CCDC73: variants seen among roughly 807,000 people sequenced by gnomAD.
CCDC73 encodes the protein coiled-coil domain containing 73.
A neutral mutation model predicts 116.5 loss-of-function variants in CCDC73; 95 were observed. The ratio of observed to expected loss-of-function variants is 0.82; its 90% CI spans 0.69 to 0.97. The LOEUF is 0.97. Among genes scored for constraint, CCDC73 ranks in the 50% least tolerant of loss-of-function variants. CCDC73 has a pLI of 0.00. For synonymous variants in CCDC73, 398 were observed against 401.3 expected, an observed-to-expected ratio of 0.99 and a Z score of 0.10; for missense variants, 1,066 against 1,206.8, an observed-to-expected ratio of 0.88 and a Z score of 1.73.
At chr11:32,627,834 C>T (rs1855590728) in intron 14 of CCDC73, among the ~76,000 whole-genome samples, 1 of 151,732 alleles carries the variant, frequency 6.6e-6, no homozygotes, top group South Asian at 2.1e-4. Flanking sequence ...GTGAGGGGAG[C>T]GGGGAGGGAT....
At chr11:32,810,962 C>T in the CCDC73 span, among the ~76,000 whole-genome samples, 3 of 151,948 alleles carry the variant, frequency 2.0e-5, no homozygotes, top group Admixed American at 6.6e-5. Context: ...GAAACCCCAT[C>T]TCTACTAAGA....
At chr11:32,608,934 G>A (rs1010291316) in intron 17 of CCDC73, among the ~76,000 whole-genome samples, 3 of 152,100 alleles carry the variant, frequency 2.0e-5, no homozygotes, top group Admixed American at 6.6e-5. Flanking sequence ...CATGGCTGGA[G>A]TGGCTGGGAT....
chr11:32,645,294 T>TTTTTC (rs1565065221), intron 12 of CCDC73, among the ~76,000 whole-genome samples: 5 of 139,966 alleles, frequency 3.6e-5, no homozygotes, highest in African/African-American at 1.3e-4. Context: ...TCTTTTTCTT[T>TTTTTC]TTTTTTTTTT....
Position 32,602,735 on chromosome 11 carries a change from A to ACAGT in CCDC73, c.*72_*75dup. ...GACAAACTGTAGAGCTTTAAATACA[A>ACAGT]CAGTCATTTTATTCTAGTAAAAACT... On this transcript the variant is annotated 3_prime_UTR_variant, in exon 18 of 18. Coordinates refer to ENST00000335185, the MANE Select transcript of CCDC73 (RefSeq NM_001008391.4). 2.7e-6 allele frequency: 3 copies of ACAGT among 1,129,668 alleles called. No homozygotes were observed. In the South Asian group the frequency reaches 5.0e-5, roughly 19 times the overall value. The allele number at this position is 1,129,668 out of a possible 1,614,324, so 70.0% of individuals were successfully genotyped here. A position where few individuals can be genotyped will look rare whatever the true frequency, so the allele number is the denominator to read the frequency against.
chr11:32,701,655 T>C (rs1018308624), intron 4 of CCDC73, among the ~76,000 whole-genome samples: 1 of 152,096 alleles, frequency 6.6e-6, no homozygotes, highest in Non-Finnish European at 1.5e-5. Flanking sequence ...GCTACTGCAC[T>C]CCAGCCTGGG....
chr11:32,652,415 T>G (rs965986802), intron 12 of CCDC73, among the ~76,000 whole-genome samples: 4 of 152,108 alleles, frequency 2.6e-5, no homozygotes, highest in Non-Finnish European at 5.9e-5. Context: ...CTGGTAACAC[T>G]AGAGTGGACC....
At chr11:32,662,388 G>C (rs1180286770) in intron 9 of CCDC73, among the ~76,000 whole-genome samples, 2 of 152,202 alleles carry the variant, frequency 1.3e-5, no homozygotes, top group African/African-American at 4.8e-5. Context: ...TAACTGGTGT[G>C]AGATGGTATC....
At chr11:32,620,817 T>A (rs954542278) in intron 14 of CCDC73, among the ~76,000 whole-genome samples, 1 of 151,842 alleles carries the variant, frequency 6.6e-6, no homozygotes, top group Non-Finnish European at 1.5e-5. Flanking sequence ...TTGTCATCTA[T>A]AACAAAAATG....
intron 1 of CCDC73, among the ~76,000 whole-genome samples, chr11:32,764,504 A>C (rs1850422480): frequency 6.6e-6 from 1 of 152,218 alleles, no homozygotes; most frequent in African/African-American, 2.4e-5. Flanking sequence ...TTTCATATCC[A>C]GCCAAACTAT....
chr11:32,653,222 G>T lies in CCDC73; in HGVS notation c.840C>A (p.Ile280=). 6 of 1,596,322 alleles carry T rather than the reference G, an allele frequency of 3.8e-6. No individual in the cohort carries two copies. The highest frequency in any genetic ancestry group is 1.1e-5 in the South Asian group (1 of 89,674). ...GCTGCATATGTTGGAAAGAAATGAT[G>T]ATATCCTTTGAAAATACACAAATAT... ...ITHIQEEKQD[I]IISFQHMQQL... Residue 280 remains isoleucine, a synonymous_variant, in exon 12 of 18, where the codon ATC becomes ATA. Transcript: ENST00000335185.
chr11:32,719,893 G>C (rs1041908021), intron 2 of CCDC73, among the ~76,000 whole-genome samples: 2 of 152,062 alleles, frequency 1.3e-5, no homozygotes, highest in African/African-American at 4.8e-5. Flanking sequence ...AACTATAAAA[G>C]GAGTTGAGTT....
At chr11:32,816,898 C>A in the CCDC73 span, among the ~76,000 whole-genome samples, 1 of 152,130 alleles carries the variant, frequency 6.6e-6, no homozygotes, top group Non-Finnish European at 1.5e-5. Context: ...ATTCTCCTAC[C>A]TTAGCCTCCA....
intron 4 of CCDC73, among the ~76,000 whole-genome samples, chr11:32,701,074 C>A (rs1849806783): frequency 6.6e-6 from 1 of 152,110 alleles, no homozygotes; most frequent in African/African-American, 2.4e-5. Context: ...CCAGGCTATA[C>A]TCCAACTCCA....
chr11:32,737,390 C>T (rs183879871), intron 2 of CCDC73, among the ~76,000 whole-genome samples: 5 of 151,962 alleles, frequency 3.3e-5, no homozygotes, highest in Non-Finnish European at 5.9e-5. Context: ...CCGAGGTGGG[C>T]AGACCACTTG....
chr11:32,648,301 C>T (rs892605584), intron 12 of CCDC73, among the ~76,000 whole-genome samples: 2 of 152,156 alleles, frequency 1.3e-5, no homozygotes, highest in Non-Finnish European at 2.9e-5. Flanking sequence ...ACTGTTTCCT[C>T]CCCATTTCCT....
chr11:32,695,876 T>C (rs1666820510), intron 6 of CCDC73, among the ~76,000 whole-genome samples: 1 of 151,008 alleles, frequency 6.6e-6, no homozygotes, highest in Non-Finnish European at 1.5e-5. Context: ...CATAAGAAAA[T>C]TGAAACTTGA....
intron 14 of CCDC73, among the ~76,000 whole-genome samples, chr11:32,635,025 T>A (rs1234301842): frequency 1.3e-5 from 2 of 152,134 alleles, no homozygotes; most frequent in Non-Finnish European, 2.9e-5. Context: ...TACATTAGGA[T>A]CCCAAGACAT....
intron 6 of CCDC73, among the ~76,000 whole-genome samples, chr11:32,683,912 G>A (rs920772884): frequency 1.3e-5 from 2 of 152,182 alleles, no homozygotes; most frequent in African/African-American, 4.8e-5. Context: ...CAGTCTAGGG[G>A]AGTTTGTTAC....
At chr11:32,770,511 T>C (rs1850483844) in intron 1 of CCDC73, among the ~76,000 whole-genome samples, 1 of 152,166 alleles carries the variant, frequency 6.6e-6, no homozygotes, top group African/African-American at 2.4e-5. Flanking sequence ...GAGGTTCTTG[T>C]GTTTCTAGAA....
Sources: gnomAD v4.1 joint callset for allele counts (sites outside exome capture counted in the v4.1 genomes callset) on GRCh38, gnomAD v4.1.1 for gene constraint, MANE v1.5 for transcripts, NCBI Gene and HGNC (gene_info 2026-07-23, HGNC 2026-07-21) for gene names.